The following DGKI variants were observed in gnomAD, a reference collection of about 807,000 sequenced individuals.
The protein encoded by DGKI is diacylglycerol kinase iota.
A neutral mutation model predicts 147.5 loss-of-function variants in DGKI; 55 were observed. The observed-to-expected ratio is 0.37, with a 90% CI of 0.30 to 0.47. The LOEUF (loss-of-function observed/expected upper bound fraction) is 0.47, where lower values mean the gene tolerates loss of function less well. DGKI is among the 20% of genes least tolerant of loss of function. The pLI, the probability that DGKI is intolerant of heterozygous loss-of-function variation, is 1.00. For missense variants in DGKI, 1,007 were observed against 1,323.8 expected, an observed-to-expected ratio of 0.76 and a Z score of 3.71; for synonymous variants, 469 against 477.1, an observed-to-expected ratio of 0.98 and a Z score of 0.22.
At chr7:137,616,324 T>A (rs1222613426) in intron 8 of DGKI, among the ~76,000 whole-genome samples, 2 of 152,198 alleles carry the variant, frequency 1.3e-5, no homozygotes, top group African/African-American at 4.8e-5. Context: ...CTGAAAACTT[T>A]CCTAACACAT....
rs34551825 is a variant in DGKI at position 137,738,724 on chromosome 7, TCCC to T, written c.402-48725_402-48723del. ...TAGAAATTCACAGAGAAGATGAGGT[TCCC>T]CCCCCCCCTTTCCTTTTCATATCCG... On this transcript the variant is annotated intron_variant, in intron 1 of 32. Coordinates refer to ENST00000614521, the MANE Select transcript of DGKI (RefSeq NM_001321708.2). Among the ~76,000 whole-genome samples the T allele has an allele frequency of 9.4e-3, 1,369 of 145,488 alleles. 19 individuals carry two copies. Among genetic ancestry groups the T allele is most frequent in the African/African-American group, 0.032 (1,274 of 39,604 alleles).
intron 2 of DGKI, among the ~76,000 whole-genome samples, chr7:137,688,201 C>T (rs923911361): frequency 6.6e-6 from 1 of 152,082 alleles, no homozygotes; most frequent in East Asian, 1.9e-4. Context: ...TCCTTTCTGC[C>T]CACAGGATTC....
chr7:137,783,781 A>C (rs1312865286), intron 1 of DGKI, among the ~76,000 whole-genome samples: 1 of 152,232 alleles, frequency 6.6e-6, no homozygotes, highest in African/African-American at 2.4e-5. Flanking sequence ...CAGATTTCTT[A>C]GCAGAAACCA....
chr7:137,809,733 G>A (rs1402094562), intron 1 of DGKI, among the ~76,000 whole-genome samples: 1 of 151,996 alleles, frequency 6.6e-6, no homozygotes. Context: ...GCAAAACCCT[G>A]TCTCTATAAA....
intron 1 of DGKI, among the ~76,000 whole-genome samples, chr7:137,702,857 ACAAT>A (rs1359006865): frequency 1.3e-5 from 2 of 152,334 alleles, no homozygotes; most frequent in East Asian, 3.9e-4. Context: ...TTTGTTGAAA[ACAAT>A]CAGTTATGAA....
chr7:137,439,445 T>C (rs1033234283), intron 28 of DGKI, among the ~76,000 whole-genome samples: 6 of 152,174 alleles, frequency 3.9e-5, no homozygotes, highest in Non-Finnish European at 4.4e-5. Flanking sequence ...TCTTACATGG[T>C]GGCAGGCAAG....
chr7:137,420,644 G>A (rs748257817), intron 28 of DGKI, among the ~76,000 whole-genome samples: 4 of 152,088 alleles, frequency 2.6e-5, no homozygotes, highest in African/African-American at 9.7e-5. Context: ...AAGAAAAGCA[G>A]GGGGAAGACC....
intron 8 of DGKI, among the ~76,000 whole-genome samples, chr7:137,619,094 A>G (rs901607928): frequency 1.7e-4 from 26 of 152,210 alleles, no homozygotes; most frequent in Non-Finnish European, 3.4e-4. Flanking sequence ...AGGGAGGTAT[A>G]GTCTCTCTTC....
chr7:137,521,233 A>G (rs1422894410), intron 21 of DGKI, among the ~76,000 whole-genome samples: 3 of 152,192 alleles, frequency 2.0e-5, no homozygotes, highest in Admixed American at 6.6e-5. Context: ...AAAGTGTCCA[A>G]TACATACTGA....
intron 12 of DGKI, among the ~76,000 whole-genome samples, chr7:137,590,220 C>T (rs940430152): frequency 3.3e-5 from 5 of 152,170 alleles, no homozygotes; most frequent in African/African-American, 4.8e-5. Context: ...TCCTGGAGCA[C>T]GGCTCTTTCA....
intron 18 of DGKI, among the ~76,000 whole-genome samples, chr7:137,572,382 T>A (rs1333101281): frequency 6.6e-6 from 1 of 152,176 alleles, no homozygotes; most frequent in African/African-American, 2.4e-5. Context: ...CGCACTTGAA[T>A]CAGACTGGAT....
chr7:137,538,842 A>G (rs1450799321), intron 20 of DGKI, among the ~76,000 whole-genome samples: 1 of 152,186 alleles, frequency 6.6e-6, no homozygotes, highest in Non-Finnish European at 1.5e-5. Context: ...GGTGAAGAAC[A>G]TCAGATTTTA....
rs113316756 is a variant in DGKI, at chr7:137,716,934, T to TGA, written c.402-26934_402-26933dup. ...ATTCCTACCTGACTCTTACAGAACTTGATATCAACATCCTTTTACTCACCA... is the reference window on the plus strand; with the variant it reads ...ATTCCTACCTGACTCTTACAGAACTTGAGATATCAACATCCTTTTACTCACCA... On this transcript the variant is annotated intron_variant, in intron 1 of 32. Coordinates refer to ENST00000614521, the MANE Select transcript of DGKI (RefSeq NM_001321708.2). Among the ~76,000 whole-genome samples the TGA allele has an allele frequency of 4.0e-3, 613 of 152,358 alleles. 3 individuals carry two copies. Among genetic ancestry groups the TGA allele is most frequent in the African/African-American group, 0.014 (582 of 41,588 alleles).
intron 3 of DGKI, among the ~76,000 whole-genome samples, chr7:137,658,979 T>C (rs1189218683): frequency 1.3e-5 from 2 of 152,318 alleles, no homozygotes; most frequent in African/African-American, 4.8e-5. Context: ...TTTTAAAAGA[T>C]CCTCTTAAAA....
chr7:137,722,335 C>T, intron 1 of DGKI: 1 of 1,612,670 alleles, frequency 6.2e-7, no homozygotes, highest in Non-Finnish European at 8.5e-7. Context: ...TAGATATTAT[C>T]CTACTGAAGA....
intron 19 of DGKI, among the ~76,000 whole-genome samples, chr7:137,557,179 C>G (rs1818253176): frequency 6.6e-6 from 1 of 152,166 alleles, no homozygotes; most frequent in African/African-American, 2.4e-5. Context: ...CTCCCCCACT[C>G]ACACACTCCC....
At chr7:137,457,866 T>C (rs1167324770) in intron 27 of DGKI, among the ~76,000 whole-genome samples, 8 of 152,058 alleles carry the variant, frequency 5.3e-5, no homozygotes, top group African/African-American at 1.9e-4. Context: ...TCTTTGAGGC[T>C]GACATTTTCG....
At chr7:137,731,700 C>T (rs1794890708) in intron 1 of DGKI, among the ~76,000 whole-genome samples, 1 of 152,044 alleles carries the variant, frequency 6.6e-6, no homozygotes, top group Admixed American at 6.6e-5. Flanking sequence ...ACTAGTTGTT[C>T]CTCATAATGT....
At chr7:137,617,889 T>G (rs1038702704) in intron 8 of DGKI, among the ~76,000 whole-genome samples, 1 of 151,544 alleles carries the variant, frequency 6.6e-6, no homozygotes, top group Middle Eastern at 3.2e-3. Flanking sequence ...AGGAGACACA[T>G]GAAAAAGAAT....
Sources: gnomAD v4.1 joint callset for allele counts (sites outside exome capture counted in the v4.1 genomes callset) on GRCh38, gnomAD v4.1.1 for gene constraint, MANE v1.5 for transcripts, NCBI Gene and HGNC (gene_info 2026-07-23, HGNC 2026-07-21) for gene names.